The following GUCY2F variants were observed in gnomAD, a reference collection of about 807,000 sequenced individuals.
GUCY2F encodes the protein retinal guanylyl cyclase 2.
Under a neutral mutation model 73.1 loss-of-function variants are expected in GUCY2F, and 61 were observed. The observed-to-expected ratio is 0.83, with a 90% confidence interval of 0.68 to 1.03. GUCY2F has a LOEUF of 1.03. GUCY2F is among the 50% of genes least tolerant of loss of function. The pLI is 0.00. For synonymous variants in GUCY2F, 331 were observed against 307.8 expected (o/e 1.08, Z -0.79); for missense variants, 912 against 854.3 (o/e 1.07, Z -0.84).
chrX:109,443,133 T>C (rs1404735224), intron 6 of GUCY2F, among the ~76,000 whole-genome samples: 1 of 111,322 alleles, frequency 9.0e-6, no homozygotes, highest in Non-Finnish European at 1.9e-5. Flanking sequence ...AGTTTGTGAC[T>C]ACACAGCAAT....
chrX:109,450,406 C>A (rs1932112335), intron 5 of GUCY2F, among the ~76,000 whole-genome samples: 1 of 111,433 alleles, frequency 9.0e-6, no homozygotes, highest in African/African-American at 3.3e-5. Flanking sequence ...CTGTCAGTTG[C>A]GGCGGTTGAC....
chrX:109,455,942 T>A (rs1393181333), intron 3 of GUCY2F, among the ~76,000 whole-genome samples: 1 of 112,422 alleles, frequency 8.9e-6, no homozygotes, highest in African/African-American at 3.2e-5. Flanking sequence ...CTTGTCAGTC[T>A]ACGTTAATAG....
chrX:109,399,124 A>G, intron 10 of GUCY2F, among the ~76,000 whole-genome samples: 1 of 112,485 alleles, frequency 8.9e-6, no homozygotes, highest in South Asian at 3.7e-4. Flanking sequence ...GAGATTCACA[A>G]GTTGCTTTCT....
chrX:109,385,279 G>A lies in GUCY2F; in HGVS notation c.2960C>T (p.Pro987Leu), dbSNP rs1239485607. 7.1e-6 allele frequency: 8 copies of A among 1,124,747 alleles called. No individual in the cohort carries two copies. Among genetic ancestry groups the A allele is most frequent in the South Asian group, 3.8e-5 (2 of 53,231 alleles). 92.7% of individuals were successfully genotyped at this position (1,124,747 alleles called of 1,213,427 possible). The change falls in exon 16 of 20, where the codon CCG becomes CTG. Residue 987 changes from proline (P) to leucine (L), a missense_variant. By Grantham distance (98) the Pro-to-Leu change is moderately conservative (BLOSUM62 -3). Coordinates refer to ENST00000218006, the MANE Select transcript of GUCY2F (RefSeq NM_001522.3). ...VRIRIGLHSG[P>L]VVAGVVGLTM... ...GAGGCCCACCACTCCAGCAACAACCGGCCCTATAGAGTATCAGGGGGTTGG... is the reference window on the plus strand; with the variant it reads ...GAGGCCCACCACTCCAGCAACAACCAGCCCTATAGAGTATCAGGGGGTTGG...
At chrX:109,431,336 G>T (rs1010712086) in intron 7 of GUCY2F, among the ~76,000 whole-genome samples, 1 of 111,851 alleles carries the variant, frequency 8.9e-6, no homozygotes, top group South Asian at 3.7e-4. Flanking sequence ...TCCATTTCGG[G>T]CTGCACCAAC....
In GUCY2F at chrX:109,434,591, A is replaced by T. The variant is rs6642681; in HGVS notation, c.1702-4195T>A. 1.2e-3 allele frequency among the ~76,000 whole-genome samples: 133 copies of T among 109,860 alleles called. 2 individuals carry two copies. The East Asian group carries it at 0.036, about 30-fold the overall frequency. ...TTTTGCAGGTTGCCTGTTCACTCTG[A>T]TGGTAGTTTCTTTTGCTGTGCAGAA... On this transcript the variant is annotated intron_variant, in intron 7 of 19. Coordinates refer to ENST00000218006, the MANE Select transcript of GUCY2F (RefSeq NM_001522.3).
At position 109,473,449 on chromosome X, in the gene GUCY2F, G is replaced by A. The variant is rs144662838; in HGVS notation, c.730+1758C>T. ...TCAACTCTGGCTGCACGTTACAAGC[G>A]CCCGGGAAGCTATTTAAAATACCTT... On this transcript the variant is annotated intron_variant, in intron 2 of 19. Transcript: ENST00000218006. Among the ~76,000 whole-genome samples the A allele has an allele frequency of 4.4e-3, 487 of 111,821 alleles. 8 individuals are homozygous for A. Among genetic ancestry groups the A allele is most frequent in the African/African-American group, 0.015 (452 of 30,760 alleles).
At position 109,423,633 on chromosome X, in the gene GUCY2F, TCTCCAACCC is replaced by T. The variant is rs776643070; in HGVS notation, c.1791+6665_1791+6673del. ...GGTCTCTTTATGTTGCCCAGGCTGG[TCTCCAACCC>T]CTGGGCTCAAGCTATCATCCTGCCT... is the stretch of plus-strand genomic sequence containing the variant. On this transcript the variant is annotated intron_variant, in intron 8 of 19. Transcript: ENST00000218006. 3.8e-5 allele frequency among the ~76,000 whole-genome samples: 4 copies of T among 104,200 alleles called. No individual in the cohort carries two copies. The South Asian group carries it at 1.8e-3, about 48-fold the overall frequency. The allele number at this position is 104,200 out of a possible 115,157, so 90.5% of individuals were successfully genotyped here.
intron 2 of GUCY2F, among the ~76,000 whole-genome samples, chrX:109,471,463 C>A (rs754051142): frequency 1.2e-4 from 13 of 112,423 alleles, no homozygotes; most frequent in African/African-American, 1.9e-4. Context: ...AAGTAAATGA[C>A]CTTTTGTGCC....
chrX:109,373,295 T>C (rs1930098220), intron 19 of GUCY2F, among the ~76,000 whole-genome samples: 1 of 111,927 alleles, frequency 8.9e-6, no homozygotes, highest in South Asian at 3.7e-4. Context: ...TATAAATCAA[T>C]GATTTGGAAC....
chrX:109,480,852 TC>T (rs1932759809), intron 1 of GUCY2F, among the ~76,000 whole-genome samples: 2 of 104,619 alleles, frequency 1.9e-5, no homozygotes, highest in South Asian at 8.3e-4. Context: ...TTAGTCTTGA[TC>T]CCCCAACTCA....
chrX:109,444,903 G>A (rs1020999818), intron 6 of GUCY2F, among the ~76,000 whole-genome samples: 1 of 111,310 alleles, frequency 9.0e-6, no homozygotes, highest in Non-Finnish European at 1.9e-5. Context: ...AAATAACTGT[G>A]AGGGTGAAAC....
intron 7 of GUCY2F, among the ~76,000 whole-genome samples, chrX:109,440,674 C>G (rs1187289716): frequency 1.8e-5 from 2 of 111,815 alleles, no homozygotes; most frequent in Admixed American, 9.5e-5. Context: ...CCTTTTACCC[C>G]CTGCTTAACT....
intron 6 of GUCY2F, among the ~76,000 whole-genome samples, chrX:109,446,246 A>G (rs963864916): frequency 2.1e-4 from 23 of 112,117 alleles, no homozygotes; most frequent in Admixed American, 6.6e-4. Flanking sequence ...GCTACTGATG[A>G]CTTTCTTCAC....
At chrX:109,454,353 A>G (rs1421519858) in intron 3 of GUCY2F, among the ~76,000 whole-genome samples, 1 of 111,528 alleles carries the variant, frequency 9.0e-6, no homozygotes, top group Non-Finnish European at 1.9e-5. Context: ...CAAAATGGCT[A>G]TTTTTCTAGA....
At chrX:109,479,130 G>C (rs915966606) in intron 1 of GUCY2F, among the ~76,000 whole-genome samples, 1 of 111,286 alleles carries the variant, frequency 9.0e-6, no homozygotes, top group Non-Finnish European at 1.9e-5. Context: ...TCAGGGCACA[G>C]TGCTGCACAG....
chrX:109,392,223 A>C, intron 13 of GUCY2F, 120 bp from the exon 14 acceptor site: 3 of 503,908 alleles, frequency 6.0e-6, no homozygotes, highest in Non-Finnish European at 1.0e-5. Context: ...ATGAGGAAGA[A>C]AGTGTTACAT....
chrX:109,378,921 T>C (rs1377230730), intron 17 of GUCY2F, among the ~76,000 whole-genome samples: 9 of 111,936 alleles, frequency 8.0e-5, no homozygotes, highest in Non-Finnish European at 1.3e-4. Context: ...CAAAAAGATA[T>C]CTGCACTCCC....
intron 3 of GUCY2F, among the ~76,000 whole-genome samples, chrX:109,460,312 A>G (rs1352782402): frequency 8.9e-6 from 1 of 111,846 alleles, no homozygotes; most frequent in Admixed American, 9.5e-5. Flanking sequence ...AGACTCATAC[A>G]TCATCATGAA....
Sources: allele counts gnomAD v4.1 joint callset (sites outside exome capture counted in the v4.1 genomes callset), GRCh38; gene constraint gnomAD v4.1.1; transcripts MANE v1.5; gene names NCBI Gene and HGNC (gene_info 2026-07-23, HGNC 2026-07-21).